FAM133A: variants seen among roughly 807,000 people sequenced by gnomAD.
FAM133A encodes the protein protein FAM133A.
For missense variants in FAM133A, 159 were observed against 164.4 expected (o/e 0.97, Z 0.18); for synonymous variants, 65 against 58.6 (o/e 1.11, Z -0.50).
chrX:93,687,343 G>A (rs1925598955), intron 2 of FAM133A, among the ~76,000 whole-genome samples: 1 of 110,945 alleles, frequency 9.0e-6, no homozygotes, highest in African/African-American at 3.3e-5. Context: ...CGGATGGAGG[G>A]GTGGGAAGAG....
chrX:93,683,370 A>G (rs1284678291), intron 2 of FAM133A, among the ~76,000 whole-genome samples: 1 of 111,934 alleles, frequency 8.9e-6, no homozygotes, highest in East Asian at 2.8e-4. Context: ...ATCTCATAAA[A>G]TGGCTACCCT....
intron 3 of FAM133A, among the ~76,000 whole-genome samples, chrX:93,704,522 A>T (rs1426525396): frequency 8.9e-6 from 1 of 111,850 alleles, no homozygotes; most frequent in Non-Finnish European, 1.9e-5. Flanking sequence ...TTTGAAAAAG[A>T]TGTTTCAACT....
At chrX:93,685,633 A>T (rs1925460472) in intron 2 of FAM133A, among the ~76,000 whole-genome samples, 1 of 111,958 alleles carries the variant, frequency 8.9e-6, no homozygotes, top group African/African-American at 3.2e-5. Context: ...AATTTCAGAG[A>T]GATAGCCATG....
In FAM133A at chrX:93,709,302, CT is replaced by C; in HGVS notation, c.-103-14del. On this transcript the variant is annotated splice_polypyrimidine_tract_variant and intron_variant, in intron 3 of 3. Transcript: ENST00000683942. ...TAAAGGTGATTTGTAATCATTCCAT[CT>C]GCTTCTCTTACAGAATGGAGCTTGC... 2 of 939,676 alleles carry C rather than the reference CT, an allele frequency of 2.1e-6. No individual in the cohort carries two copies. Among genetic ancestry groups the C allele is most frequent in the Non-Finnish European group, 2.7e-6 (2 of 728,168 alleles). 77.4% of individuals were successfully genotyped at this position (939,676 alleles called of 1,213,427 possible). A position where few individuals can be genotyped will look rare whatever the true frequency, so the allele number is the denominator to read the frequency against.
At chrX:93,692,820 G>A (rs1209850941) in intron 2 of FAM133A, among the ~76,000 whole-genome samples, 1 of 111,390 alleles carries the variant, frequency 9.0e-6, no homozygotes, top group African/African-American at 3.2e-5. Flanking sequence ...CTTCCATGTT[G>A]TCAGCATTTC....
intron 2 of FAM133A, among the ~76,000 whole-genome samples, chrX:93,680,171 T>G (rs140251123): frequency 9.1e-6 from 1 of 109,610 alleles, no homozygotes; most frequent in African/African-American, 3.3e-5. Context: ...ATGTGACATT[T>G]TTATGCTCCA....
At chrX:93,675,316 C>T (rs1924608851) in intron 2 of FAM133A, among the ~76,000 whole-genome samples, 1 of 111,818 alleles carries the variant, frequency 8.9e-6, no homozygotes, top group South Asian at 3.7e-4. Context: ...ACTGCTTTAT[C>T]TATGTGACAC....
chrX:93,709,523 A>G lies in FAM133A; in HGVS notation c.104A>G (p.Asn35Ser). The G allele has an allele frequency of 3.3e-6, 4 of 1,209,234 alleles. No homozygotes were observed. Among genetic ancestry groups the G allele is most frequent in the Non-Finnish European group, 4.5e-6 (4 of 894,582 alleles). The change falls in exon 4 of 4, where the codon AAT becomes AGT. Residue 35 changes from asparagine (N) to serine (S), a missense_variant. Asn to Ser is a conservative substitution (Grantham distance 46). Transcript: ENST00000683942. Reference sequence around the variant, plus strand: ...GGCCCAACAATCCAAGATTATCTAAATCGACCAAGACCCACCTGGGAAGAA... The same window carrying G: ...GGCCCAACAATCCAAGATTATCTAAGTCGACCAAGACCCACCTGGGAAGAA... ...SVGPTIQDYL[N>S]RPRPTWEEVK...
chrX:93,680,625 A>T (rs1182399261), intron 2 of FAM133A, among the ~76,000 whole-genome samples: 1 of 111,419 alleles, frequency 9.0e-6, no homozygotes, highest in African/African-American at 3.3e-5. Flanking sequence ...CGTCTTTTTG[A>T]TAATAGCTGT....
At chrX:93,686,836 G>A (rs1373658814) in intron 2 of FAM133A, among the ~76,000 whole-genome samples, 5 of 112,301 alleles carry the variant, frequency 4.5e-5, no homozygotes, top group African/African-American at 1.6e-4. Flanking sequence ...TGACCCACCA[G>A]TCACATAATA....
intron 3 of FAM133A, among the ~76,000 whole-genome samples, chrX:93,702,852 A>C (rs1388855028): frequency 1.6e-4 from 16 of 99,014 alleles, no homozygotes; most frequent in South Asian, 4.5e-4. Flanking sequence ...AAAAAAAAAA[A>C]AAAAAAAAAA....
Position 93,699,371 on chromosome X carries a change from G to A in FAM133A, c.-104+886G>A, listed in dbSNP as rs138782940. On this transcript the variant is annotated intron_variant, in intron 3 of 3. Coordinates refer to ENST00000683942, the MANE Select transcript of FAM133A (RefSeq NM_001171109.2). ...CATACTGCCACACACATGACATTAG[G>A]CCAAGTCTATCTGCAGCTTCATCAT... Among the ~76,000 whole-genome samples the A allele has an allele frequency of 2.6e-3, 291 of 110,938 alleles. 2 individuals are homozygous for A. Among genetic ancestry groups the A allele is most frequent in the Middle Eastern group, 0.019 (4 of 214 alleles).
chrX:93,678,634 T>C (rs1452948291), intron 2 of FAM133A, among the ~76,000 whole-genome samples: 2 of 112,102 alleles, frequency 1.8e-5, no homozygotes, highest in Non-Finnish European at 3.8e-5. Context: ...TGATACATTT[T>C]TGCAAAAAGT....
At chrX:93,694,193 T>G (rs1288635710) in intron 2 of FAM133A, among the ~76,000 whole-genome samples, 1 of 111,477 alleles carries the variant, frequency 9.0e-6, no homozygotes, top group Non-Finnish European at 1.9e-5. Context: ...TATTACATGC[T>G]TGTTTATAAT....
At chrX:93,686,265 T>G (rs1031530102) in intron 2 of FAM133A, among the ~76,000 whole-genome samples, 7 of 111,352 alleles carry the variant, frequency 6.3e-5, no homozygotes, top group Admixed American at 3.8e-4. Flanking sequence ...AGTTTAAACC[T>G]TGGCCTGACA....
intron 2 of FAM133A, among the ~76,000 whole-genome samples, chrX:93,680,318 C>A: frequency 9.0e-6 from 1 of 111,377 alleles, no homozygotes; most frequent in Non-Finnish European, 1.9e-5. Context: ...TGTATACATA[C>A]CATATTTTCT....
chrX:93,686,816 A>G (rs1312353985), intron 2 of FAM133A, among the ~76,000 whole-genome samples: 1 of 112,620 alleles, frequency 8.9e-6, no homozygotes, highest in Non-Finnish European at 1.9e-5. Flanking sequence ...AAAGATGCCC[A>G]CTAGGCATGT....
chrX:93,673,945 G>A (rs1924485040), upstream of FAM133A: 1 of 84,074 alleles, frequency 1.2e-5, no homozygotes, highest in Admixed American at 1.7e-4. Context: ...CGCCCACCCT[G>A]AATTCCCGTT....
At chrX:93,694,826 C>A (rs1222475649) in intron 2 of FAM133A, among the ~76,000 whole-genome samples, 2 of 110,942 alleles carry the variant, frequency 1.8e-5, no homozygotes, top group Non-Finnish European at 3.8e-5. Context: ...AAGGAAAACT[C>A]TGATTATGAT....
Sources: gnomAD v4.1 joint callset for allele counts (sites outside exome capture counted in the v4.1 genomes callset) on GRCh38, gnomAD v4.1.1 for gene constraint, MANE v1.5 for transcripts, NCBI Gene and HGNC (gene_info 2026-07-23, HGNC 2026-07-21) for gene names.